ITPR2: variants seen among roughly 807,000 people sequenced by gnomAD.
ITPR2 encodes inositol 1,4,5-trisphosphate receptor type 2.
In ITPR2, 207 loss-of-function variants were observed where a neutral mutation model predicts 317.1. The observed-to-expected ratio is 0.65, with a 90% CI of 0.58 to 0.73. The LOEUF is 0.73. Among genes scored for constraint, ITPR2 ranks in the 30% least tolerant of loss-of-function variants. The pLI is 0.00. For missense variants in ITPR2, 2,613 were observed against 3,284.0 expected (o/e 0.80, Z 4.99); for synonymous variants, 1,156 against 1,149.1 (o/e 1.01, Z -0.12).
chr12:26,472,286 A>G (rs1481019464), intron 45 of ITPR2, among the ~76,000 whole-genome samples: 2 of 152,088 alleles, frequency 1.3e-5, no homozygotes, highest in African/African-American at 4.8e-5. Context: ...ACTCATGAGG[A>G]CTCTTATTTA....
At chr12:26,546,396 C>T (rs954574831) in intron 37 of ITPR2, among the ~76,000 whole-genome samples, 3 of 152,168 alleles carry the variant, frequency 2.0e-5, no homozygotes, top group Non-Finnish European at 4.4e-5. Flanking sequence ...CTCTTACCTT[C>T]ATATGATCAA....
intron 13 of ITPR2, among the ~76,000 whole-genome samples, chr12:26,671,416 T>A (rs1266116804): frequency 1.3e-5 from 2 of 152,106 alleles, no homozygotes; most frequent in East Asian, 3.9e-4. Context: ...AAGAAAAGAA[T>A]TTTCAACCCA....
chr12:26,516,265 AGGAAAGGAAG>A (rs1565574496), intron 37 of ITPR2, among the ~76,000 whole-genome samples: 974 of 34,362 alleles, frequency 0.028, 130 homozygotes, highest in Non-Finnish European at 0.041. Context: ...AGGAAAGGAA[AGGAAAGGAAG>A]GGAAGGGAAG....
intron 55 of ITPR2, among the ~76,000 whole-genome samples, chr12:26,354,902 G>A (rs950688049): frequency 6.6e-6 from 1 of 152,114 alleles, no homozygotes; most frequent in Non-Finnish European, 1.5e-5. Flanking sequence ...GACCTCAGAC[G>A]ATCTGCCTGC....
chr12:26,440,941 T>C (rs759585364), intron 46 of ITPR2, among the ~76,000 whole-genome samples: 2 of 152,164 alleles, frequency 1.3e-5, no homozygotes, highest in Non-Finnish European at 1.5e-5. Flanking sequence ...CAGAGATGGA[T>C]AATTTTTCAA....
At chr12:26,665,009 A>G (rs77499426) in intron 14 of ITPR2, among the ~76,000 whole-genome samples, 20,531 of 152,244 alleles carry the variant, frequency 0.13, 1,795 homozygotes, top group Non-Finnish European at 0.2. Flanking sequence ...ATTAATGAAG[A>G]AACTCATTAA....
chr12:26,534,386 G>C (rs1010935056), intron 37 of ITPR2, among the ~76,000 whole-genome samples: 2 of 152,152 alleles, frequency 1.3e-5, no homozygotes, highest in Non-Finnish European at 2.9e-5. Flanking sequence ...TCTCAACTAA[G>C]ATAAATTCCT....
At chr12:26,489,470 G>A (rs535823748) in intron 39 of ITPR2, among the ~76,000 whole-genome samples, 65 of 152,274 alleles carry the variant, frequency 4.3e-4, no homozygotes, top group African/African-American at 1.0e-3. Context: ...AGACTGCATC[G>A]GTTTGAAACC....
At chr12:26,553,280 A>G (rs1335736955) in intron 36 of ITPR2, among the ~76,000 whole-genome samples, 3 of 152,230 alleles carry the variant, frequency 2.0e-5, no homozygotes, top group Non-Finnish European at 4.4e-5. Flanking sequence ...TTAAAGGTTA[A>G]CAGTATCATT....
At chr12:26,441,767 C>T (rs1197383291) in intron 46 of ITPR2, among the ~76,000 whole-genome samples, 2 of 152,168 alleles carry the variant, frequency 1.3e-5, no homozygotes, top group Admixed American at 6.6e-5. Flanking sequence ...AAACTTCACT[C>T]TCTCCTAGCA....
chr12:26,349,976 T>C (rs1037615515), intron 55 of ITPR2, among the ~76,000 whole-genome samples: 2 of 152,198 alleles, frequency 1.3e-5, no homozygotes, highest in Non-Finnish European at 2.9e-5. Flanking sequence ...TACTGAGAGA[T>C]GGGCTGATTC....
At chr12:26,595,087 C>T (rs1249548262) in intron 32 of ITPR2, among the ~76,000 whole-genome samples, 2 of 152,158 alleles carry the variant, frequency 1.3e-5, no homozygotes, top group Non-Finnish European at 1.5e-5. Context: ...GTAGTCAAGA[C>T]CTCTTTAGGT....
chr12:26,387,211 A>C (rs1010691278), intron 55 of ITPR2, among the ~76,000 whole-genome samples: 1 of 152,192 alleles, frequency 6.6e-6, no homozygotes, highest in African/African-American at 2.4e-5. Context: ...AGGAAATATC[A>C]TCTGTGCACT....
At chr12:26,454,981 A>G (rs1299171715) in intron 45 of ITPR2, among the ~76,000 whole-genome samples, 1 of 152,126 alleles carries the variant, frequency 6.6e-6, no homozygotes, top group African/African-American at 2.4e-5. Flanking sequence ...ACTTTTCTCT[A>G]TGATATACCT....
intron 4 of ITPR2, among the ~76,000 whole-genome samples, chr12:26,723,589 G>T (rs531684713): frequency 8.5e-5 from 13 of 152,300 alleles, no homozygotes; most frequent in Middle Eastern, 3.4e-3. Flanking sequence ...ATTCGATTAA[G>T]TCATACATTC....
intron 46 of ITPR2, 58 bp from the exon 47 acceptor site, chr12:26,439,377 CTTTTGT>C: frequency 7.9e-7 from 1 of 1,262,016 alleles, no homozygotes; most frequent in Non-Finnish European, 1.1e-6. Context: ...CTTAGACTTG[CTTTTGT>C]TTTTAACATG....
intron 21 of ITPR2, among the ~76,000 whole-genome samples, chr12:26,634,112 C>T (rs769324658): frequency 1.3e-5 from 2 of 152,308 alleles, no homozygotes; most frequent in East Asian, 3.9e-4. Flanking sequence ...GGCACGTGGT[C>T]GCCACAAACC....
At chr12:26,700,846 G>A (rs181693549) in intron 9 of ITPR2, among the ~76,000 whole-genome samples, 2 of 152,344 alleles carry the variant, frequency 1.3e-5, no homozygotes, top group African/African-American at 4.8e-5. Context: ...AGATTTTGCA[G>A]AGACAGAATC....
intron 22 of ITPR2, among the ~76,000 whole-genome samples, chr12:26,631,303 G>T (rs1304546158): frequency 1.3e-5 from 2 of 152,044 alleles, no homozygotes; most frequent in Non-Finnish European, 2.9e-5. Context: ...TTAAAATTAG[G>T]CATTAGACTA....
Sources: allele counts gnomAD v4.1 joint callset (sites outside exome capture counted in the v4.1 genomes callset), GRCh38; gene constraint gnomAD v4.1.1; transcripts MANE v1.5; gene names NCBI Gene and HGNC (gene_info 2026-07-23, HGNC 2026-07-21).